ACIN1: variants seen among roughly 807,000 people sequenced by gnomAD.
The protein encoded by ACIN1 is apoptotic chromatin condensation inducer 1.
Under a neutral mutation model 146.6 loss-of-function variants are expected in ACIN1, and 16 were observed. The observed-to-expected ratio is 0.11, with a 90% CI of 0.07 to 0.17. The LOEUF is 0.17. Ranked by LOEUF, ACIN1 falls within the 10% of genes least tolerant of loss-of-function variation. The pLI is 1.00. For missense variants in ACIN1, 1,357 were observed against 1,609.3 expected (o/e 0.84, Z 2.68); for synonymous variants, 569 against 582.7 (o/e 0.98, Z 0.34).
chr14:23,076,497 G>A (rs148708517), intron 8 of ACIN1: 1 of 152,280 alleles, frequency 6.6e-6, no homozygotes, highest in East Asian at 1.9e-4. Context: ...GAAACTCTAT[G>A]ACTCCAAGCT....
At position 23,060,480 on chromosome 14, in the gene ACIN1, C is replaced by T. The variant is rs181012755; in HGVS notation, c.3525+604G>A. ...AGCAGGGAAATGAATTTATAAAACACGATTTCTCAGCTAAATACAATCAAG... is the reference window on the plus strand; with the variant it reads ...AGCAGGGAAATGAATTTATAAAACATGATTTCTCAGCTAAATACAATCAAG... On this transcript the variant is annotated intron_variant, in intron 18 of 18. Transcript: ENST00000605057. 1.4e-3 allele frequency among the ~76,000 whole-genome samples: 210 copies of T among 151,958 alleles called. 3 individuals are homozygous for T. The highest frequency in any genetic ancestry group is 5.0e-3 in the Admixed American group (76 of 15,262).
At chr14:23,073,051 A>G (rs2047705125) in intron 8 of ACIN1, among the ~76,000 whole-genome samples, 2 of 152,230 alleles carry the variant, frequency 1.3e-5, no homozygotes, top group Non-Finnish European at 2.9e-5. Context: ...ATACATGCAC[A>G]CTTAATAGGC....
rs1264558929 is a variant in ACIN1 at position 23,094,998 on chromosome 14, C to T, written c.115G>A (p.Ala39Thr). 9.3e-6 allele frequency: 15 copies of T among 1,606,692 alleles called. No individual in the cohort carries two copies. Among genetic ancestry groups the T allele is most frequent in the Admixed American group, 1.7e-5 (1 of 59,972 alleles). ...RGLAKSGQKS[A>T]LVKRLKGALM... ...ACCCCTTTGAGCCGCTTGACCAGGG[C>T]ACTCTTCTGCCCGCTCTTGGCTAGG... The change falls in exon 1 of 19, where the codon GCC becomes ACC. Residue 39 changes from alanine (A) to threonine (T), a missense_variant. Physicochemically the swap from Ala to Thr is moderately conservative, Grantham distance 58. Coordinates refer to ENST00000605057, the MANE Select transcript of ACIN1 (RefSeq NM_001386863.1).
intron 4 of ACIN1, among the ~76,000 whole-genome samples, chr14:23,089,443 T>C (rs1002575260): frequency 1.3e-5 from 2 of 152,190 alleles, no homozygotes; most frequent in Non-Finnish European, 2.9e-5. Context: ...CCTACTATAA[T>C]ATGCTCACAT....
At chr14:23,070,039 T>C (rs77748530) in intron 8 of ACIN1, among the ~76,000 whole-genome samples, 5 of 152,006 alleles carry the variant, frequency 3.3e-5, no homozygotes, top group African/African-American at 7.3e-5. Flanking sequence ...TATGGCAAAA[T>C]TGCACGAGAA....
rs1170390981 is a variant in ACIN1, at chr14:23,080,008, G to C, written c.1327C>G (p.Leu443Val). Residue 443 changes from leucine (L) to valine (V), a missense_variant, in exon 6 of 19, where the codon CTG (leucine) becomes GTG (valine). Physicochemically the swap from Leu to Val is conservative, Grantham distance 32 (BLOSUM62 1). Around this residue, in one of 4 missense-constraint regions of ACIN1, gnomAD observed 771 missense variants for 746.6 expected, o/e 1.03. Transcript: ENST00000605057. Reference protein sequence around the residue: ...PAEKVPEESVLPLVQKSTLAD... With the variant: ...PAEKVPEESVVPLVQKSTLAD... ...AGTGTGCTTTTCTGAACCAGAGGCA[G>C]GACACTCTCCTCTGGCACTTTCTCT... is the stretch of plus-strand genomic sequence containing the variant. 6.2e-7 allele frequency: 1 copy of C among 1,614,094 alleles called. No individual in the cohort carries two copies. The highest frequency in any genetic ancestry group is 8.5e-7 in the Non-Finnish European group (1 of 1,180,034).
intron 10 of ACIN1, 163 bp from the exon 11 acceptor site, chr14:23,064,651 C>T: frequency 2.0e-6 from 2 of 1,019,020 alleles, no homozygotes; most frequent in Non-Finnish European, 2.8e-6. Flanking sequence ...GTAATCCCAG[C>T]ACTTTGGGAG....
Position 23,078,226 on chromosome 14 carries a change from G to A in ACIN1, c.2048C>T (p.Pro683Leu), listed in dbSNP as rs765851340. 3.1e-6 allele frequency: 5 copies of A among 1,614,022 alleles called. No individual in the cohort carries two copies. Among genetic ancestry groups the A allele is most frequent in the Non-Finnish European group, 4.2e-6 (5 of 1,180,014 alleles). Reference sequence around the variant, plus strand: ...TGAGGTTTGGGGCTGTGTGGCAGCTGGTGGCTCTGCCTCTTCAGCTTCACA... The same window carrying A: ...TGAGGTTTGGGGCTGTGTGGCAGCTAGTGGCTCTGCCTCTTCAGCTTCACA... ...KKCEAEEAEP[P>L]AATQPQTSET... Residue 683 changes from proline (P) to leucine (L), a missense_variant, in exon 8 of 19, where the codon CCA becomes CTA. Coordinates refer to ENST00000605057, the MANE Select transcript of ACIN1 (RefSeq NM_001386863.1).
Position 23,063,074 on chromosome 14 carries a change from A to G in ACIN1, c.2738T>C (p.Val913Ala). 6.2e-7 allele frequency: 1 copy of G among 1,604,604 alleles called. No homozygotes were observed. The change falls in exon 14 of 19, where the codon GTG becomes GCG. Residue 913 changes from valine (V) to alanine (A), a missense_variant and splice_region_variant. Transcript: ENST00000605057. Reference sequence around the variant, plus strand: ...TCGAGTTAAGGTATCTCCTAAAGTCACTATCAAGAAGACCACAAGAACAGC... The same window carrying G: ...TCGAGTTAAGGTATCTCCTAAAGTCGCTATCAAGAAGACCACAAGAACAGC... ...PPPAEHEVKK[V>A]TLGDTLTRRS... is the part of the protein sequence containing the mutation.
chr14:23,089,849 G>A, intron 4 of ACIN1, 133 bp downstream of exon 4: 3 of 1,233,132 alleles, frequency 2.4e-6, no homozygotes, highest in Non-Finnish European at 3.2e-6. Context: ...ATGAGAAACA[G>A]ATGTCAAATA....
intron 8 of ACIN1, among the ~76,000 whole-genome samples, chr14:23,072,716 C>A (rs1037089041): frequency 6.6e-6 from 1 of 152,202 alleles, no homozygotes; most frequent in East Asian, 1.9e-4. Flanking sequence ...ATGAAATTTT[C>A]TCCCCGCTGC....
chr14:23,086,834 G>T (rs1001971020), intron 4 of ACIN1, among the ~76,000 whole-genome samples: 1 of 152,116 alleles, frequency 6.6e-6, no homozygotes, highest in Admixed American at 6.5e-5. Context: ...GGAGGATGCT[G>T]GAATATAAAC....
chr14:23,086,233 A>C, intron 4 of ACIN1, among the ~76,000 whole-genome samples: 1 of 152,236 alleles, frequency 6.6e-6, no homozygotes, highest in East Asian at 1.9e-4. Context: ...TCCAGGTTTT[A>C]ATATGGAGAA....
At chr14:23,072,453 C>T (rs961354076) in intron 8 of ACIN1, among the ~76,000 whole-genome samples, 5 of 151,924 alleles carry the variant, frequency 3.3e-5, no homozygotes, top group African/African-American at 1.2e-4. Flanking sequence ...CTATATGGGG[C>T]GGGGAAGATC....
At chr14:23,062,350 C>A (rs2047316380) in intron 15 of ACIN1, 66 bp downstream of exon 15, 15 of 1,604,266 alleles carry the variant, frequency 9.4e-6, no homozygotes, top group Non-Finnish European at 1.2e-5. Context: ...CACCCTTAAA[C>A]CTGCCCACAC....
At chr14:23,087,251 T>TAA (rs1411461149) in intron 4 of ACIN1, among the ~76,000 whole-genome samples, 1 of 152,154 alleles carries the variant, frequency 6.6e-6, no homozygotes, top group Non-Finnish European at 1.5e-5. Context: ...TAAGCACTGA[T>TAA]AGAATTCCAA....
chr14:23,077,157 AATC>A (rs2047823556), intron 8 of ACIN1, among the ~76,000 whole-genome samples: 1 of 152,190 alleles, frequency 6.6e-6, no homozygotes. Context: ...AAATGAGATA[AATC>A]ATGTCACCTG....
Position 23,078,215 on chromosome 14 carries a change from G to C in ACIN1, c.2059C>G (p.Gln687Glu). 1 of 1,614,212 alleles carries C rather than the reference G, an allele frequency of 6.2e-7. No individual in the cohort carries two copies. Among genetic ancestry groups the C allele is most frequent in the Non-Finnish European group, 8.5e-7 (1 of 1,180,024 alleles). ...AEEAEPPAAT[Q>E]PQTSETQTSH... ...GTCTGAGTCTCTGAGGTTTGGGGCT[G>C]TGTGGCAGCTGGTGGCTCTGCCTCT... Residue 687 changes from glutamine to glutamate, a missense_variant, in exon 8 of 19, where the codon CAG becomes GAG. By Grantham distance (29) the Gln-to-Glu change is conservative. Transcript: ENST00000605057.
intron 5 of ACIN1, 82 bp from the exon 6 acceptor site, chr14:23,080,891 C>T: frequency 6.6e-7 from 1 of 1,511,486 alleles, no homozygotes; most frequent in African/African-American, 1.4e-5. Flanking sequence ...GAAGACACCC[C>T]TAGGAAGGAG....
Sources: allele counts gnomAD v4.1 joint callset (sites outside exome capture counted in the v4.1 genomes callset), GRCh38; gene constraint gnomAD v4.1.1; regional missense constraint gnomAD v4.1.1; transcripts MANE v1.5; gene names NCBI Gene and HGNC (gene_info 2026-07-23, HGNC 2026-07-21).